SSBP3: variants seen among roughly 807,000 people sequenced by gnomAD.
The protein encoded by SSBP3 is single-stranded DNA-binding protein 3.
A neutral mutation model predicts 69.6 loss-of-function variants in SSBP3; 5 were observed. The ratio of observed to expected loss-of-function variants is 0.07; its 90% CI spans 0.04 to 0.15. The LOEUF (loss-of-function observed/expected upper bound fraction) is 0.15. Among genes scored for constraint, SSBP3 ranks in the 10% least tolerant of loss-of-function variants. The pLI is 1.00. For missense variants in SSBP3, 312 were observed against 534.0 expected (o/e 0.58, Z 4.10); for synonymous variants, 196 against 193.4 (o/e 1.01, Z -0.11).
At chr1:54,263,158 T>C (rs748327724) in intron 5 of SSBP3, among the ~76,000 whole-genome samples, 5 of 152,156 alleles carry the variant, frequency 3.3e-5, no homozygotes, top group Non-Finnish European at 5.9e-5. Context: ...TGGACACTGA[T>C]GGTTAGTGAA....
At chr1:54,301,835 G>A (rs990702734) in intron 4 of SSBP3, among the ~76,000 whole-genome samples, 6 of 151,994 alleles carry the variant, frequency 3.9e-5, no homozygotes, top group African/African-American at 1.2e-4. Context: ...ACATGCTCCC[G>A]GGGCCACCCC....
rs373265578 is a variant in SSBP3, at chr1:54,240,962, A to G, written c.802-3T>C. The G allele has an allele frequency of 1.4e-4, 224 of 1,607,780 alleles. No individual in the cohort carries two copies. The highest frequency in any genetic ancestry group is 1.8e-4 in the Non-Finnish European group (215 of 1,177,068). On this transcript the variant is annotated splice_polypyrimidine_tract_variant and splice_region_variant and intron_variant, in intron 12 of 17. Transcript: ENST00000610401. Reference sequence around the variant, plus strand: ...GGACCGCCACCACCAGGGGGTCCCTAAAGATGAGACAAAACTGACATCAGA... The same window carrying G: ...GGACCGCCACCACCAGGGGGTCCCTGAAGATGAGACAAAACTGACATCAGA...
At chr1:54,380,164 T>A (rs1647506210) in intron 4 of SSBP3, among the ~76,000 whole-genome samples, 1 of 152,042 alleles carries the variant, frequency 6.6e-6, no homozygotes, top group South Asian at 2.1e-4. Context: ...CGGCCTCGGC[T>A]CCCACACCAG....
chr1:54,270,840 A>C (rs1334646180), intron 5 of SSBP3, among the ~76,000 whole-genome samples: 1 of 152,190 alleles, frequency 6.6e-6, no homozygotes, highest in Non-Finnish European at 1.5e-5. Flanking sequence ...CAGATGAAGC[A>C]ACTGAGGTTC....
intron 4 of SSBP3, among the ~76,000 whole-genome samples, chr1:54,377,151 G>A (rs1431122336): frequency 6.6e-6 from 1 of 152,170 alleles, no homozygotes; most frequent in African/African-American, 2.4e-5. Flanking sequence ...ATCAATAAAT[G>A]GGGTGAGGGT....
chr1:54,251,866 A>G lies in SSBP3; in HGVS notation c.508-6T>C. The G allele has an allele frequency of 1.2e-6, 2 of 1,611,056 alleles. No homozygotes were observed. The highest frequency in any genetic ancestry group is 2.2e-5 in the South Asian group (2 of 90,734). On this transcript the variant is annotated splice_polypyrimidine_tract_variant and splice_region_variant and intron_variant, in intron 7 of 17. Coordinates refer to ENST00000610401, the Ensembl canonical transcript of SSBP3. The stretch of plus-strand genomic sequence containing the variant: ...CCAGGAACTCCTCCCGGAGGCTGAA[A>G]GAGATGCAAGACACAAGCTGAGGAG...
chr1:54,240,268 G>A (rs562255495), intron 13 of SSBP3, among the ~76,000 whole-genome samples: 2 of 151,568 alleles, frequency 1.3e-5, no homozygotes, highest in South Asian at 2.1e-4. Context: ...AGGCCAGCCT[G>A]GGTACATGGT....
At chr1:54,383,677 A>C (rs1411533333) in intron 4 of SSBP3, among the ~76,000 whole-genome samples, 1 of 152,182 alleles carries the variant, frequency 6.6e-6, no homozygotes, top group East Asian at 1.9e-4. Context: ...CAGAGCTATG[A>C]GGGAGAGAGA....
chr1:54,400,637 C>G (rs538620505), intron 4 of SSBP3, among the ~76,000 whole-genome samples: 3 of 152,348 alleles, frequency 2.0e-5, no homozygotes, highest in African/African-American at 7.2e-5. Flanking sequence ...ATTTCCTCAG[C>G]GTTACATTCC....
chr1:54,296,654 T>C (rs1046817459), intron 4 of SSBP3, among the ~76,000 whole-genome samples: 1 of 152,218 alleles, frequency 6.6e-6, no homozygotes, highest in African/African-American at 2.4e-5. Flanking sequence ...CAATAAGCAC[T>C]GCCTGCCTCA....
At chr1:54,373,341 T>C (rs941265797) in intron 4 of SSBP3, among the ~76,000 whole-genome samples, 1 of 152,150 alleles carries the variant, frequency 6.6e-6, no homozygotes, top group African/African-American at 2.4e-5. Flanking sequence ...TCCTCTTCTA[T>C]AAAAAGCGAG....
At chr1:54,361,379 A>T (rs1321414755) in intron 4 of SSBP3, among the ~76,000 whole-genome samples, 1 of 152,196 alleles carries the variant, frequency 6.6e-6, no homozygotes, top group Non-Finnish European at 1.5e-5. Context: ...TTCTCAGGAA[A>T]TTAAACAGAT....
At chr1:54,344,824 C>T (rs1002798069) in intron 4 of SSBP3, among the ~76,000 whole-genome samples, 7 of 152,112 alleles carry the variant, frequency 4.6e-5, no homozygotes, top group African/African-American at 1.7e-4. Flanking sequence ...CCAGCCTAGG[C>T]AATACAGCAA....
intron 4 of SSBP3, chr1:54,286,667 C>G (rs1249892988): frequency 6.6e-6 from 1 of 152,368 alleles, no homozygotes; most frequent in African/African-American, 2.4e-5. Context: ...AAAACCTCAC[C>G]ACCAGTCCCA....
At chr1:54,383,567 GTCT>G (rs1431316371) in intron 4 of SSBP3, among the ~76,000 whole-genome samples, 1 of 152,242 alleles carries the variant, frequency 6.6e-6, no homozygotes. Flanking sequence ...GCAAACACAA[GTCT>G]TCTTAGATAA....
intron 4 of SSBP3, among the ~76,000 whole-genome samples, chr1:54,385,014 G>A (rs1486854669): frequency 6.6e-6 from 1 of 152,172 alleles, no homozygotes; most frequent in Non-Finnish European, 1.5e-5. Context: ...AGTAGGCCTG[G>A]GCAGGGACAG....
intron 14 of SSBP3, chr1:54,238,807 G>T: frequency 2.6e-6 from 1 of 381,486 alleles, no homozygotes; most frequent in African/African-American, 2.1e-5. Flanking sequence ...AGTTTGCTGG[G>T]CAGAGACCAG....
At chr1:54,405,226 C>T (rs1180978819) in intron 1 of SSBP3, among the ~76,000 whole-genome samples, 1 of 152,222 alleles carries the variant, frequency 6.6e-6, no homozygotes, top group East Asian at 1.9e-4. Flanking sequence ...GCAAGCCACT[C>T]GACCCCACAG....
At chr1:54,307,025 C>T (rs192618175) in intron 4 of SSBP3, among the ~76,000 whole-genome samples, 14 of 152,218 alleles carry the variant, frequency 9.2e-5, no homozygotes, top group Admixed American at 7.2e-4. Context: ...CCAGCTGTTC[C>T]CTGCCCACAG....
Sources: allele counts gnomAD v4.1 joint callset (sites outside exome capture counted in the v4.1 genomes callset), GRCh38; gene constraint gnomAD v4.1.1; transcripts MANE v1.5; gene names NCBI Gene and HGNC (gene_info 2026-07-23, HGNC 2026-07-21).